NR5A1: variants seen among roughly 807,000 people sequenced by gnomAD.
The protein encoded by NR5A1 is steroidogenic factor 1.
NR5A1 carries 6 observed loss-of-function variants against 42.7 expected under a neutral mutation model. The ratio of observed to expected loss-of-function variants is 0.14; its 90% confidence interval spans 0.08 to 0.28. NR5A1 has a LOEUF of 0.28. Among genes scored for constraint, NR5A1 ranks in the 10% least tolerant of loss-of-function variants. The pLI, the probability that NR5A1 is intolerant of heterozygous loss-of-function variation, is 1.00. For missense variants in NR5A1, 442 were observed against 626.4 expected (o/e 0.71, Z 3.14); for synonymous variants, 274 against 277.5 (o/e 0.99, Z 0.12).
In NR5A1 at chr9:124,498,397, A is replaced by C. The variant is rs1464388274; in HGVS notation, c.870+1693T>G. Among the ~76,000 whole-genome samples the C allele has an allele frequency of 6.6e-6, 1 of 152,200 alleles. No homozygotes were observed. Among genetic ancestry groups the C allele is most frequent in the Non-Finnish European group, 1.5e-5 (1 of 68,032 alleles). On this transcript the variant is annotated intron_variant, in intron 4 of 6. Coordinates refer to ENST00000373588, the MANE Select transcript of NR5A1 (RefSeq NM_004959.5). This position sits in a 1 kb window ranked among gnomAD's most constrained non-coding sequence, Gnocchi z 4.6. ...GAGAAGGGGAAGCAGGAAGGTTTGGACCACGGAGAAGCCAGAAGCAGGAAA... is the reference window on the plus strand; with the variant it reads ...GAGAAGGGGAAGCAGGAAGGTTTGGCCCACGGAGAAGCCAGAAGCAGGAAA...
intron 6 of NR5A1, among the ~76,000 whole-genome samples, chr9:124,485,081 G>T (rs1832188099): frequency 6.6e-6 from 1 of 152,144 alleles, no homozygotes; most frequent in African/African-American, 2.4e-5. Context: ...CCCTGGAGGG[G>T]GAGAGCCAGG....
chr9:124,491,029 A>AACCC, intron 6 of NR5A1, 52 bp downstream of exon 6: 1 of 349,876 alleles, frequency 2.9e-6, no homozygotes, highest in Non-Finnish European at 4.8e-6. Context: ...CCACCCTCCC[A>AACCC]CCCACCCGCC....
At chr9:124,505,497 T>A (rs1040215995) in intron 1 of NR5A1, among the ~76,000 whole-genome samples, 1 of 152,166 alleles carries the variant, frequency 6.6e-6, no homozygotes, top group Non-Finnish European at 1.5e-5. Context: ...AGATGACCGC[T>A]CTTCCTCGCT....
At chr9:124,488,970 A>G (rs1268003809) in intron 6 of NR5A1, among the ~76,000 whole-genome samples, 1 of 152,252 alleles carries the variant, frequency 6.6e-6, no homozygotes, top group African/African-American at 2.4e-5. Context: ...CTGGAAAAAA[A>G]GGCTGATGAC....
In NR5A1 at chr9:124,482,960, T is replaced by C. The variant is rs2131269315; in HGVS notation, c.1184A>G (p.Glu395Gly). 4 of 1,614,070 alleles carry C rather than the reference T, an allele frequency of 2.5e-6. No homozygotes were observed. Among genetic ancestry groups the C allele is most frequent in the Non-Finnish European group, 3.4e-6 (4 of 1,180,018 alleles). Reference sequence around the variant, plus strand: ...GTCAAGCAGGGCGGCGTTGGCCTTCTCCTGAGCGTCTTTCACCAGGATGTG... The same window carrying C: ...GTCAAGCAGGGCGGCGTTGGCCTTCCCCTGAGCGTCTTTCACCAGGATGTG... The part of the protein sequence containing the change: ...NNHILVKDAQ[E>G]KANAALLDYT... Residue 395 changes from glutamate to glycine, a missense_variant, in exon 7 of 7, where the codon GAG (glutamate) becomes GGG (glycine). Physicochemically the swap from Glu to Gly is moderately conservative, Grantham distance 98. Around this residue, in one of 3 missense-constraint regions of NR5A1, gnomAD observed 163 missense variants for 265.8 expected, o/e 0.61. Transcript: ENST00000373588.
intron 6 of NR5A1, 66 bp downstream of exon 6, chr9:124,491,015 T>TCGGGCCC: frequency 1.6e-5 from 10 of 634,816 alleles, no homozygotes; most frequent in Non-Finnish European, 2.8e-5. Flanking sequence ...CTCTCCAGCC[T>TCGGGCCC]CACCCACCCT....
intron 1 of NR5A1, among the ~76,000 whole-genome samples, chr9:124,505,078 C>A: frequency 6.6e-6 from 1 of 151,976 alleles, no homozygotes; most frequent in Non-Finnish European, 1.5e-5. Flanking sequence ...CCAAGCCCGG[C>A]CCGCGCCGGC....
chr9:124,496,653 A>G lies in NR5A1; in HGVS notation c.870+3437T>C, dbSNP rs752707905. 2.0e-4 allele frequency among the ~76,000 whole-genome samples: 30 copies of G among 152,284 alleles called. No individual in the cohort carries two copies. Among genetic ancestry groups the G allele is most frequent in the Non-Finnish European group, 3.1e-4 (21 of 68,004 alleles). ...GTGGCTGACACACCACGGGCTGGCCACTGCGCTCTGCCGGCAGAGTGGTCA... is the reference window on the plus strand; with the variant it reads ...GTGGCTGACACACCACGGGCTGGCCGCTGCGCTCTGCCGGCAGAGTGGTCA... On this transcript the variant is annotated intron_variant, in intron 4 of 6. Transcript: ENST00000373588. The surrounding 1 kb of genome is among the most constrained non-coding windows in gnomAD (Gnocchi z 5.0).
At chr9:124,491,972 ACTGCAGGCAC>A (rs1832317068) in intron 5 of NR5A1, among the ~76,000 whole-genome samples, 2 of 152,176 alleles carry the variant, frequency 1.3e-5, no homozygotes, top group South Asian at 4.2e-4. Context: ...CTTCATGCAG[ACTGCAGGCAC>A]CTGCGCTCAC....
intron 1 of NR5A1, among the ~76,000 whole-genome samples, chr9:124,504,864 C>A (rs1240113031): frequency 7.1e-6 from 1 of 141,616 alleles, no homozygotes; most frequent in African/African-American, 2.5e-5. Flanking sequence ...GGCCTCGGCT[C>A]CCCCCTCCCG....
At chr9:124,484,320 C>G (rs900755309) in intron 6 of NR5A1, among the ~76,000 whole-genome samples, 4 of 152,208 alleles carry the variant, frequency 2.6e-5, no homozygotes, top group African/African-American at 9.7e-5. Context: ...TGACCGCACC[C>G]CAAGGAGTCG....
intron 1 of NR5A1, among the ~76,000 whole-genome samples, chr9:124,504,052 CGAGA>C (rs887296282): frequency 2.7e-4 from 28 of 103,244 alleles, no homozygotes; most frequent in African/African-American, 4.3e-4. Flanking sequence ...GAGAGAGAGA[CGAGA>C]GAGAGAGAGA....
In NR5A1 at chr9:124,482,434, G is replaced by A. The variant is rs554329124; in HGVS notation, c.*324C>T. On this transcript the variant is annotated 3_prime_UTR_variant, in exon 7 of 7. Transcript: ENST00000373588. Reference sequence around the variant, plus strand: ...CCAGGGAATCCCGAACCTCCTCCCCGGACCTGCAGGCTTCAGACTCCAGGA... The same window carrying A: ...CCAGGGAATCCCGAACCTCCTCCCCAGACCTGCAGGCTTCAGACTCCAGGA... The A allele has an allele frequency of 1.6e-4, 64 of 402,702 alleles. No homozygotes were observed. Among genetic ancestry groups the A allele is most frequent in the South Asian group, 8.1e-4 (37 of 45,822 alleles). 24.9% of individuals were successfully genotyped at this position (402,702 alleles called of 1,614,324 possible). A position where few individuals can be genotyped will look rare whatever the true frequency, so the allele number is the denominator to read the frequency against.
rs1832414256 is a variant in NR5A1, at chr9:124,498,160, C to A, written c.870+1930G>T. ...AATGAATGATCAGCTAGAAGAGACG[C>A]CGGAGTCACCCACACCCCTCCCACT... On this transcript the variant is annotated intron_variant, in intron 4 of 6. Coordinates refer to ENST00000373588, the MANE Select transcript of NR5A1 (RefSeq NM_004959.5). The surrounding 1 kb of genome is among the most constrained non-coding windows in gnomAD (Gnocchi z 4.6). Among the ~76,000 whole-genome samples the A allele has an allele frequency of 6.6e-6, 1 of 152,138 alleles. No individual in the cohort carries two copies. The highest frequency in any genetic ancestry group is 2.4e-5 in the African/African-American group (1 of 41,432).
rs1049401498 is a variant in NR5A1 at position 124,503,086 on chromosome 9, G to A, written c.237C>T (p.Arg79=). The A allele has an allele frequency of 6.3e-7, 1 of 1,581,254 alleles. No homozygotes were observed. Among genetic ancestry groups the A allele is most frequent in the South Asian group, 1.1e-5 (1 of 87,040 alleles). Residue 79 remains arginine, a synonymous_variant, in exon 3 of 7, where the codon CGC becomes CGT. Coordinates refer to ENST00000373588, the MANE Select transcript of NR5A1 (RefSeq NM_004959.5). This position sits in a 1 kb window ranked among gnomAD's most constrained non-coding sequence, Gnocchi z 9.6. ...RFQKCLTVGM[R]LEAVRADRMR... is the part of the protein sequence containing the mutation. ...GGCCCGCGCGGCGCGCACCTTCCAG[G>A]CGCATCCCCACCGTCAGGCATTTCT...
rs532762859 is a variant in NR5A1, at chr9:124,500,013, A to G, written c.870+77T>C. On this transcript the variant is annotated intron_variant, in intron 4 of 6. Transcript: ENST00000373588. The surrounding 1 kb of genome is among the most constrained non-coding windows in gnomAD (Gnocchi z 6.9). ...GCCAGTGGGAAGGATGGCCCTATCC[A>G]AAGGACAGTCGGGCTAAGGCTTGGG... The G allele has an allele frequency of 3.1e-6, 5 of 1,608,000 alleles. No individual in the cohort carries two copies. Among genetic ancestry groups the G allele is most frequent in the Non-Finnish European group, 4.3e-6 (5 of 1,176,064 alleles).
rs369966754 is a variant in NR5A1, at chr9:124,483,025, G to A, written c.1139-20C>T. The A allele has an allele frequency of 3.8e-5, 61 of 1,613,392 alleles. 1 individual carries two copies. The Middle Eastern group carries it at 2.5e-3, about 65-fold the overall frequency. Reference sequence around the variant, plus strand: ...TCAAATCTGCAAAGGGAGGTTCTCGGTCACCATCGCGTCACCATCCATGCC... The same window carrying A: ...TCAAATCTGCAAAGGGAGGTTCTCGATCACCATCGCGTCACCATCCATGCC... On this transcript the variant is annotated intron_variant, in intron 6 of 6. Transcript: ENST00000373588.
In NR5A1 at chr9:124,500,298, G is replaced by A; in HGVS notation, c.662C>T (p.Pro221Leu). 7.7e-6 allele frequency: 12 copies of A among 1,565,760 alleles called. No homozygotes were observed. Among genetic ancestry groups the A allele is most frequent in the Non-Finnish European group, 1.0e-5 (12 of 1,155,610 alleles). Reference sequence around the variant, plus strand: ...CTGCAGGATGAGCTCAGGCACGTTGGGCCCTCCAGAGAAGGGCTCTGGGTA... The same window carrying A: ...CTGCAGGATGAGCTCAGGCACGTTGAGCCCTCCAGAGAAGGGCTCTGGGTA... The part of the protein sequence containing the change: ...YGYPEPFSGG[P>L]NVPELILQLL... The change falls in exon 4 of 7, where the codon CCC becomes CTC. Residue 221 changes from proline to leucine, a missense_variant. Transcript: ENST00000373588. This position sits in a 1 kb window ranked among gnomAD's most constrained non-coding sequence, Gnocchi z 6.9.
rs765627522 is a variant in NR5A1, at chr9:124,491,177, C to T, written c.1042G>A (p.Val348Met). The T allele has an allele frequency of 5.6e-6, 9 of 1,609,838 alleles. No homozygotes were observed. Among genetic ancestry groups the T allele is most frequent in the Non-Finnish European group, 7.6e-6 (9 of 1,178,932 alleles). Residue 348 changes from valine (V) to methionine (M), a missense_variant, in exon 6 of 7, where the codon GTG becomes ATG. By Grantham distance (21) the Val-to-Met change is conservative. Around this residue, in one of 3 missense-constraint regions of NR5A1, gnomAD observed 163 missense variants for 265.8 expected, o/e 0.61. Transcript: ENST00000373588. ...TQAGSLLHSL[V>M]LRAQELVLQL... The stretch of plus-strand genomic sequence containing the variant: ...AGCACCAGCTCCTGCGCCCGCAACA[C>T]CAGGCTGTGCAGCAGCGAGCCCGCC...
Sources: gnomAD v4.1 joint callset for allele counts (sites outside exome capture counted in the v4.1 genomes callset) on GRCh38, gnomAD v4.1.1 for gene constraint, gnomAD v4.1.1 regional missense constraint, Gnocchi (gnomAD v3.1) non-coding constraint, MANE v1.5 for transcripts, NCBI Gene and HGNC (gene_info 2026-07-23, HGNC 2026-07-21) for gene names.